The following BTBD7 variants were observed in gnomAD, a reference collection of about 807,000 sequenced individuals.
The protein encoded by BTBD7 is BTB/POZ domain-containing protein 7.
In BTBD7, 38 loss-of-function variants were observed where a neutral mutation model predicts 99.9. The observed-to-expected ratio is 0.38, with a 90% CI of 0.29 to 0.50. The LOEUF is 0.50. BTBD7 is among the 20% of genes least tolerant of loss of function. The pLI, the probability that BTBD7 is intolerant of heterozygous loss-of-function variation, is 0.93. For missense variants in BTBD7, 1,170 were observed against 1,394.6 expected, an observed-to-expected ratio of 0.84 and a Z score of 2.57; for synonymous variants, 520 against 511.4, an observed-to-expected ratio of 1.02 and a Z score of -0.23.
chr14:93,295,818 T>G, intron 2 of BTBD7, 152 bp downstream of exon 2: 3 of 690,872 alleles, frequency 4.3e-6, no homozygotes, highest in Non-Finnish European at 7.1e-6. Context: ...AAACCAGACT[T>G]AAGATTTACG....
At chr14:93,289,976 C>A (rs1047833504) in intron 3 of BTBD7, among the ~76,000 whole-genome samples, 3 of 151,426 alleles carry the variant, frequency 2.0e-5, no homozygotes, top group South Asian at 2.1e-4. Flanking sequence ...TGTGCCTCAG[C>A]CTCCCTAGTA....
At chr14:93,331,873 T>C (rs1011935825) in intron 1 of BTBD7, among the ~76,000 whole-genome samples, 2 of 129,318 alleles carry the variant, frequency 1.5e-5, no homozygotes, top group African/African-American at 3.7e-5. Flanking sequence ...AGAGCGAGAC[T>C]CCGTCTCCCC....
chr14:93,253,792 TAA>T lies in BTBD7; in HGVS notation c.1609-4_1609-3del. ...AGTACTAATCAAGCCTCTTTTCATC[TAA>T]AAAAAAATTTTTTTTTTAGATAGAA... On this transcript the variant is annotated splice_polypyrimidine_tract_variant and splice_region_variant and intron_variant, in intron 6 of 10. Transcript: ENST00000334746. 1 of 1,550,240 alleles carries T rather than the reference TAA, an allele frequency of 6.5e-7. No homozygotes were observed. The highest frequency in any genetic ancestry group is 1.4e-5 in the African/African-American group (1 of 72,974).
chr14:93,313,275 C>T (rs576214689), intron 1 of BTBD7, among the ~76,000 whole-genome samples: 28 of 152,254 alleles, frequency 1.8e-4, no homozygotes, highest in African/African-American at 6.3e-4. Context: ...ATCCACCCAC[C>T]ACCAAAAATA....
intron 2 of BTBD7, among the ~76,000 whole-genome samples, chr14:93,295,465 CAG>C (rs979192724): frequency 2.2e-4 from 34 of 152,012 alleles, no homozygotes; most frequent in Admixed American, 3.9e-4. Flanking sequence ...TAGGGACAAA[CAG>C]AGCAAATTAG....
intron 6 of BTBD7, among the ~76,000 whole-genome samples, chr14:93,254,189 G>A (rs1343063262): frequency 6.6e-6 from 1 of 151,886 alleles, no homozygotes; most frequent in East Asian, 1.9e-4. Flanking sequence ...TGCCCACCTC[G>A]GCCTCCCAAA....
chr14:93,294,929 A>G lies in BTBD7; in HGVS notation c.91T>C (p.Ser31Pro). The G allele has an allele frequency of 6.5e-7, 1 of 1,547,438 alleles. No individual in the cohort carries two copies. The highest frequency in any genetic ancestry group is 1.4e-5 in the African/African-American group (1 of 71,788). The change falls in exon 3 of 11, where the codon TCC (serine) becomes CCC (proline). Residue 31 changes from serine (S) to proline (P), a missense_variant. Around this residue, in one of 4 missense-constraint regions of BTBD7, gnomAD observed 359 missense variants for 497.9 expected, o/e 0.72. Coordinates refer to ENST00000334746, the MANE Select transcript of BTBD7 (RefSeq NM_001002860.4). ...CAACCATAGCCTTGCTGAGAATAGG[A>G]TGAGGTCCCTAAGAAAAAAATTAAA... ...QAQQTFIGTS[S>P]YSQQGYGCES...
rs773164838 is a variant in BTBD7, at chr14:93,242,373, C to T, written c.3299G>A (p.Gly1100Glu). 14 of 1,614,096 alleles carry T rather than the reference C, an allele frequency of 8.7e-6. No homozygotes were observed. In the African/African-American group the frequency reaches 1.9e-4, roughly 22 times the overall value. The change falls in exon 11 of 11, where the codon GGA (glycine) becomes GAA (glutamate). Residue 1100 changes from glycine (G) to glutamate (E), a missense_variant. By Grantham distance (98) the Gly-to-Glu change is moderately conservative. Coordinates refer to ENST00000334746, the MANE Select transcript of BTBD7 (RefSeq NM_001002860.4). ...RLADSESLGH[G>E]AQRNTDLERE... ...TTCCAAATCTGTATTTCTCTGAGCTCCATGGCCCAGGGACTCACTGTCTGC... is the reference window on the plus strand; with the variant it reads ...TTCCAAATCTGTATTTCTCTGAGCTTCATGGCCCAGGGACTCACTGTCTGC...
intron 1 of BTBD7, among the ~76,000 whole-genome samples, chr14:93,322,272 C>A (rs1193671761): frequency 6.6e-6 from 1 of 152,030 alleles, no homozygotes; most frequent in Non-Finnish European, 1.5e-5. Context: ...TACCACCATA[C>A]CTGGCTAATT....
At chr14:93,312,812 G>A (rs1032856856) in intron 1 of BTBD7, among the ~76,000 whole-genome samples, 8 of 152,014 alleles carry the variant, frequency 5.3e-5, no homozygotes, top group South Asian at 2.1e-4. Flanking sequence ...CAGTTCTCCC[G>A]TCCAGCCCAC....
chr14:93,287,397 T>C (rs2052793411), intron 3 of BTBD7, among the ~76,000 whole-genome samples: 1 of 141,724 alleles, frequency 7.1e-6, no homozygotes, highest in African/African-American at 2.6e-5. Flanking sequence ...ATTCTTTAGC[T>C]CTTTCTTCTA....
In BTBD7 at chr14:93,296,011, G is replaced by C. The variant is rs556016040; in HGVS notation, c.41C>G (p.Pro14Arg). The C allele has an allele frequency of 2.5e-6, 4 of 1,614,000 alleles. No individual in the cohort carries two copies. The highest frequency in any genetic ancestry group is 1.3e-5 in the African/African-American group (1 of 75,008). The change falls in exon 2 of 11, where the codon CCG (proline) becomes CGG (arginine). Residue 14 changes from proline to arginine, a missense_variant. Around this residue, in one of 4 missense-constraint regions of BTBD7, gnomAD observed 359 missense variants for 497.9 expected, o/e 0.72. Coordinates refer to ENST00000334746, the MANE Select transcript of BTBD7 (RefSeq NM_001002860.4). The part of the protein sequence containing the change: ...NASNYPHSCS[P>R]RVGGNSQAQQ... ...GGCCTGTGAATTTCCCCCTACCCTC[G>C]GGGAACATGAATGAGGATAATTAGA...
intron 5 of BTBD7, among the ~76,000 whole-genome samples, chr14:93,259,902 C>G (rs1337964255): frequency 6.6e-6 from 1 of 152,040 alleles, no homozygotes; most frequent in Middle Eastern, 3.2e-3. Context: ...CCACTGTACT[C>G]CAGCCTGGGA....
At chr14:93,306,849 GTATTT>G (rs2053076487) in intron 1 of BTBD7, among the ~76,000 whole-genome samples, 1 of 152,134 alleles carries the variant, frequency 6.6e-6, no homozygotes, top group Non-Finnish European at 1.5e-5. Context: ...GGTTATTAAA[GTATTT>G]TATTATCTAA....
intron 3 of BTBD7, among the ~76,000 whole-genome samples, chr14:93,270,695 CAAAA>C (rs34308418): frequency 2.8e-5 from 2 of 71,240 alleles, no homozygotes; most frequent in Admixed American, 1.6e-4. Flanking sequence ...ACTCTTGTCT[CAAAA>C]AAAAAAAAAA....
intron 10 of BTBD7, 130 bp downstream of exon 10, chr14:93,245,695 T>G: frequency 6.8e-7 from 1 of 1,469,096 alleles, no homozygotes; most frequent in Non-Finnish European, 9.0e-7. Flanking sequence ...ACCCCTCAAG[T>G]CTATGCCTTC....
chr14:93,246,233 C>A lies in BTBD7; in HGVS notation c.2175G>T (p.Leu725Phe). The A allele has an allele frequency of 6.4e-7, 1 of 1,559,882 alleles. No individual in the cohort carries two copies. ...GACATCTCCCAGGCTGTCTCATTGT[C>A]AAGAGTGGACTTTCATCCCCAAAAC... ...DERFGDESPL[L>F]TMRQPGRCRV... Residue 725 changes from leucine to phenylalanine, a missense_variant, in exon 10 of 11, where the codon TTG (leucine) becomes TTT (phenylalanine). Leu to Phe is a conservative substitution (Grantham distance 22). This residue lies in a region of BTBD7 where 495 missense variants were observed against 525.9 expected (regional missense o/e 0.94). Coordinates refer to ENST00000334746, the MANE Select transcript of BTBD7 (RefSeq NM_001002860.4).
intron 1 of BTBD7, among the ~76,000 whole-genome samples, chr14:93,325,108 T>TTTTC (rs1420647776): frequency 2.0e-5 from 2 of 98,740 alleles, no homozygotes; most frequent in Non-Finnish European, 4.1e-5. Flanking sequence ...ATGCTCCAAT[T>TTTTC]TTTTTTTTTT....
chr14:93,239,935 C>G lies in BTBD7; in HGVS notation c.*2338G>C, dbSNP rs1407116400. On this transcript the variant is annotated 3_prime_UTR_variant, in exon 11 of 11. Coordinates refer to ENST00000334746, the MANE Select transcript of BTBD7 (RefSeq NM_001002860.4). ...CCCATCCAAATTAGGTCTGTTGAGT[C>G]TTACTTGCAGTACCGGCGCAGTACA... 1.3e-5 allele frequency: 2 copies of G among 152,108 alleles called. No homozygotes were observed. Among genetic ancestry groups the G allele is most frequent in the African/African-American group, 2.4e-5 (1 of 41,408 alleles). 9.4% of individuals were successfully genotyped at this position (152,108 alleles called of 1,614,324 possible). A position where few individuals can be genotyped will look rare whatever the true frequency, so the allele number is the denominator to read the frequency against.
Sources: gnomAD v4.1 joint callset for allele counts (sites outside exome capture counted in the v4.1 genomes callset) on GRCh38, gnomAD v4.1.1 for gene constraint, gnomAD v4.1.1 regional missense constraint, MANE v1.5 for transcripts, NCBI Gene and HGNC (gene_info 2026-07-23, HGNC 2026-07-21) for gene names.